Variants in SLC28A1 observed in about 807,000 individuals in gnomAD.
The protein encoded by SLC28A1 is sodium/nucleoside cotransporter 1.
Under a neutral mutation model 74.8 loss-of-function variants are expected in SLC28A1, and 64 were observed. The ratio of observed to expected loss-of-function variants is 0.86; its 90% CI spans 0.70 to 1.05. SLC28A1 has a LOEUF of 1.05. Ranked by LOEUF, SLC28A1 falls within the 50% of genes least tolerant of loss-of-function variation. The pLI, the probability that SLC28A1 is intolerant of heterozygous loss-of-function variation, is 0.00. For synonymous variants in SLC28A1, 359 were observed against 335.0 expected (o/e 1.07, Z -0.78); for missense variants, 828 against 822.8 (o/e 1.01, Z -0.08).
At chr15:84,895,553 G>A in intron 6 of SLC28A1, 1 of 1,544,532 alleles carries the variant, frequency 6.5e-7, no homozygotes, top group Non-Finnish European at 8.7e-7. Context: ...GTAGCCAGCA[G>A]CGTCCTTGGA....
In SLC28A1 at chr15:84,935,466, G is replaced by A. The variant is rs1971770851; in HGVS notation, c.1529G>A (p.Arg510His). The A allele has an allele frequency of 4.3e-6, 7 of 1,614,062 alleles. No homozygotes were observed. The highest frequency in any genetic ancestry group is 1.6e-4 in the Middle Eastern group (1 of 6,084). Residue 510 changes from arginine to histidine, a missense_variant, in exon 15 of 19, where the codon CGC becomes CAC. By Grantham distance (29) the Arg-to-His change is conservative (BLOSUM62 0). This residue lies in a region of SLC28A1 where 767 missense variants were observed against 753.5 expected (regional missense o/e 1.02). Transcript: ENST00000394573. ...CAAGACCTCTCCAAGTACAAGCAAC[G>A]CCGCCTGGCAGGGGCCGAGGAGTGG... ...AYQDLSKYKQ[R>H]RLAGAEEWVG... is the part of the protein sequence containing the mutation.
the SLC28A1 span, among the ~76,000 whole-genome samples, chr15:84,967,929 G>A: frequency 1.5e-4 from 23 of 152,184 alleles, no homozygotes; most frequent in East Asian, 1.9e-3. Context: ...TCAGAGGCTC[G>A]GGCAAAAGAA....
At chr15:84,891,979 C>A (rs1186681830) in intron 5 of SLC28A1, among the ~76,000 whole-genome samples, 1 of 151,936 alleles carries the variant, frequency 6.6e-6, no homozygotes, top group Non-Finnish European at 1.5e-5. Context: ...GAAAAGCTCC[C>A]CACCCCACCG....
At chr15:84,888,685 G>T in intron 3 of SLC28A1, 87 bp from the exon 4 acceptor site, 1 of 860,224 alleles carries the variant, frequency 1.2e-6, no homozygotes, top group Non-Finnish European at 1.9e-6. Flanking sequence ...CTCAGCCAGG[G>T]TCTCACCGTG....
chr15:84,895,145 A>C (rs1265236327), intron 6 of SLC28A1, 22 bp downstream of exon 6: 11 of 1,613,016 alleles, frequency 6.8e-6, no homozygotes, highest in African/African-American at 2.7e-5. Flanking sequence ...CACAGCCCCG[A>C]GGCAGGGCAG....
At chr15:84,969,456 G>A in the SLC28A1 span, among the ~76,000 whole-genome samples, 1 of 152,186 alleles carries the variant, frequency 6.6e-6, no homozygotes, top group East Asian at 1.9e-4. Flanking sequence ...CACAGTGGCT[G>A]GGTTGTCCAC....
intron 12 of SLC28A1, among the ~76,000 whole-genome samples, chr15:84,924,902 T>G (rs976824284): frequency 4.1e-5 from 6 of 144,900 alleles, no homozygotes; most frequent in Admixed American, 3.4e-4. Context: ...TATTAATTTT[T>G]TTTGTTTGTT....
chr15:84,914,902 A>G (rs540239483), intron 9 of SLC28A1, among the ~76,000 whole-genome samples: 1 of 152,162 alleles, frequency 6.6e-6, no homozygotes, highest in Non-Finnish European at 1.5e-5. Context: ...CACTTAATCC[A>G]AAACATAGCT....
chr15:84,899,335 G>A lies in SLC28A1; in HGVS notation c.461+4212G>A, dbSNP rs572478536. 3.9e-5 allele frequency among the ~76,000 whole-genome samples: 6 copies of A among 151,992 alleles called. No homozygotes were observed. In the East Asian group the frequency reaches 1.2e-3, roughly 29 times the overall value. On this transcript the variant is annotated intron_variant, in intron 6 of 18. Transcript: ENST00000394573. Reference sequence around the variant, plus strand: ...ACAATTGAAGTCTCCAGAGGAGAAGGAGGGCAGAAAAAAAATATTTGACGA... The same window carrying A: ...ACAATTGAAGTCTCCAGAGGAGAAGAAGGGCAGAAAAAAAATATTTGACGA...
the SLC28A1 span, among the ~76,000 whole-genome samples, chr15:84,963,797 T>C: frequency 3.3e-5 from 5 of 152,302 alleles, no homozygotes; most frequent in East Asian, 1.9e-4. Flanking sequence ...TCATGGCTCA[T>C]GAGGATGCTT....
Position 84,912,804 on chromosome 15 carries a change from G to GTGCACA in SLC28A1, c.795+4009_795+4010insTGCACA, listed in dbSNP as rs1289771401. ...GTCAACAGTGCCAAATTTTGCGCGCGCGCACACACACACACACACACACAC... is the reference window on the plus strand; with the variant it reads ...GTCAACAGTGCCAAATTTTGCGCGCGTGCACACGCACACACACACACACACACACAC... On this transcript the variant is annotated intron_variant, in intron 9 of 18. Coordinates refer to ENST00000394573, the MANE Select transcript of SLC28A1 (RefSeq NM_004213.5). Among the ~76,000 whole-genome samples the GTGCACA allele has an allele frequency of 2.2e-4, 13 of 58,704 alleles. No individual in the cohort carries two copies. The South Asian group carries it at 4.3e-3, about 19-fold the overall frequency. 38.5% of individuals were successfully genotyped at this position (58,704 alleles called of 152,430 possible). A position where few individuals can be genotyped will look rare whatever the true frequency, so the allele number is the denominator to read the frequency against.
chr15:84,948,332 G>C (rs1289075702), downstream of SLC28A1, among the ~76,000 whole-genome samples: 1 of 152,068 alleles, frequency 6.6e-6, no homozygotes, highest in Admixed American at 6.6e-5. Context: ...CATTTTGAGG[G>C]TGTCTACCTC....
chr15:84,886,188 T>G, intron 1 of SLC28A1: 1 of 985,378 alleles, frequency 1.0e-6, no homozygotes, highest in Non-Finnish European at 1.2e-6. Context: ...GGTTTTGTTT[T>G]CTTGACAGAC....
Position 84,924,104 on chromosome 15 carries a change from CT to C in SLC28A1, c.1080del (p.Phe360LeufsTer8). ...AGSLLGAYIS[F>X]GIDATSLIAA... ...GCAGCCTGCTGGGTGCCTACATCTCCTTTGGGGTAGGTAGAGCCCTCCTTCT... is the reference window on the plus strand; with the variant it reads ...GCAGCCTGCTGGGTGCCTACATCTCCTTGGGGTAGGTAGAGCCCTCCTTCT... On this transcript the variant is annotated frameshift_variant, in exon 12 of 19. Transcript: ENST00000394573. LOFTEE classifies it high-confidence loss of function. 5 of 1,613,128 alleles carry C rather than the reference CT, an allele frequency of 3.1e-6. No homozygotes were observed. Among genetic ancestry groups the C allele is most frequent in the Non-Finnish European group, 4.2e-6 (5 of 1,179,964 alleles).
chr15:84,947,122 A>G (rs538764820), downstream of SLC28A1, among the ~76,000 whole-genome samples: 1 of 152,322 alleles, frequency 6.6e-6, no homozygotes, highest in Non-Finnish European at 1.5e-5. Context: ...TGAGCCCCAC[A>G]GGCTGACCTG....
chr15:84,935,954 T>G (rs1339541821), intron 15 of SLC28A1, among the ~76,000 whole-genome samples: 2 of 135,564 alleles, frequency 1.5e-5, no homozygotes, highest in African/African-American at 2.8e-5. Flanking sequence ...GGTTTTTGTT[T>G]TTTTTTTTTT....
At chr15:84,899,891 CAGAAAGAA>C (rs146927149) in intron 6 of SLC28A1, among the ~76,000 whole-genome samples, 44 of 137,402 alleles carry the variant, frequency 3.2e-4, no homozygotes, top group African/African-American at 1.1e-3. Context: ...GATACTAAGG[CAGAAAGAA>C]AGAAAGAAAG....
In SLC28A1 at chr15:84,889,655, C is replaced by A. The variant is rs530618854; in HGVS notation, c.186-788C>A. On this transcript the variant is annotated intron_variant, in intron 4 of 18. Transcript: ENST00000394573. ...TTTCTTTTCTTTTCTTTTCCTTTTT[C>A]TTTTCTTTCCTTCCTTCCTTCTTTC... Among the ~76,000 whole-genome samples the A allele has an allele frequency of 2.0e-5, 3 of 149,978 alleles. No individual in the cohort carries two copies. The East Asian group carries it at 6.0e-4, about 30-fold the overall frequency.
intron 15 of SLC28A1, among the ~76,000 whole-genome samples, chr15:84,937,928 G>T (rs1363160189): frequency 6.6e-6 from 1 of 151,106 alleles, no homozygotes; most frequent in African/African-American, 2.5e-5. Flanking sequence ...AACCAGGCAT[G>T]GTGGCTCACA....
Sources: allele counts gnomAD v4.1 joint callset (sites outside exome capture counted in the v4.1 genomes callset), GRCh38; gene constraint gnomAD v4.1.1; regional missense constraint gnomAD v4.1.1; transcripts MANE v1.5; gene names NCBI Gene and HGNC (gene_info 2026-07-23, HGNC 2026-07-21).